The following TP73 variants were observed in gnomAD, a reference collection of about 807,000 sequenced individuals.
TP73 encodes the protein p53-like transcription factor.
TP73 carries 25 observed loss-of-function variants against 62.5 expected under a neutral mutation model. The observed-to-expected ratio is 0.40, with a 90% CI of 0.29 to 0.56. The LOEUF is 0.56. Among genes scored for constraint, TP73 ranks in the 20% least tolerant of loss-of-function variants. The probability of loss-of-function intolerance (pLI) is 0.46; values close to 1 mark genes in which losing one functional copy is unlikely to be tolerated. For synonymous variants in TP73, 423 were observed against 377.5 expected, an observed-to-expected ratio of 1.12 and a Z score of -1.40; for missense variants, 754 against 913.3, an observed-to-expected ratio of 0.83 and a Z score of 2.25.
intron 3 of TP73, among the ~76,000 whole-genome samples, chr1:3,693,686 C>CCG: frequency 6.7e-6 from 1 of 148,722 alleles, no homozygotes; most frequent in Non-Finnish European, 1.5e-5. Context: ...GCCCCTCCTC[C>CCG]CACAATCCCA....
At chr1:3,719,056 G>T (rs3819968) in intron 4 of TP73, among the ~76,000 whole-genome samples, 52,043 of 152,054 alleles carry the variant, frequency 0.34, 9,904 homozygotes, top group Non-Finnish European at 0.43. Flanking sequence ...GCCACCCACA[G>T]GGCCGGACCT....
intron 3 of TP73, among the ~76,000 whole-genome samples, chr1:3,705,529 C>T (rs547564510): frequency 2.6e-5 from 4 of 152,366 alleles, no homozygotes; most frequent in Admixed American, 6.5e-5. Context: ...GCCGAGGCCT[C>T]GTGCCAAGAC....
At chr1:3,729,742 CA>C in intron 10 of TP73, 3 of 750,684 alleles carry the variant, frequency 4.0e-6, no homozygotes, top group Non-Finnish European at 6.8e-6. Flanking sequence ...CATGACCCAC[CA>C]AGACCAGAGT....
At chr1:3,700,827 C>T (rs1639098635) in intron 3 of TP73, among the ~76,000 whole-genome samples, 1 of 151,948 alleles carries the variant, frequency 6.6e-6, no homozygotes, top group Admixed American at 6.6e-5. Context: ...TTTAAACAGT[C>T]AACAGGTGCA....
At chr1:3,680,674 A>T (rs1645498391) in intron 1 of TP73, among the ~76,000 whole-genome samples, 1 of 152,190 alleles carries the variant, frequency 6.6e-6, no homozygotes, top group Non-Finnish European at 1.5e-5. Flanking sequence ...GGTATGGGCA[A>T]GGGCGGGTTC....
rs1264471169 is a variant in TP73 at position 3,733,276 on chromosome 1, G to T, written c.*197G>T. 2 of 664,446 alleles carry T rather than the reference G, an allele frequency of 3.0e-6. No individual in the cohort carries two copies. Among genetic ancestry groups the T allele is most frequent in the Non-Finnish European group, 5.0e-6 (2 of 396,960 alleles). 41.2% of individuals were successfully genotyped at this position (664,446 alleles called of 1,614,324 possible). A position where few individuals can be genotyped will look rare whatever the true frequency, so the allele number is the denominator to read the frequency against. On this transcript the variant is annotated 3_prime_UTR_variant, in exon 14 of 14. Coordinates refer to ENST00000378295, the MANE Select transcript of TP73 (RefSeq NM_005427.4). ...CACCGAAGCCGCCTGTGGACAGCCT[G>T]AGTCACCTGCAGAACCTTCTGGAGC... is the stretch of plus-strand genomic sequence containing the variant.
At chr1:3,676,090 TAGGG>T (rs1645360074) in intron 1 of TP73, among the ~76,000 whole-genome samples, 1 of 121,096 alleles carries the variant, frequency 8.3e-6, no homozygotes. Context: ...GGACAAGAGA[TAGGG>T]AGAGGACAGA....
intron 1 of TP73, among the ~76,000 whole-genome samples, chr1:3,676,237 G>A (rs1001671564): frequency 5.3e-5 from 8 of 150,100 alleles, no homozygotes; most frequent in Middle Eastern, 3.4e-3. Flanking sequence ...AAGGGACAGG[G>A]AACAGGGAGG....
rs559663650 is a variant in TP73, at chr1:3,670,015, C to T, written c.-33-12318C>T. ...CTCCCTGAAGCCTTGGGGGAATGTC[C>T]GAGGGGCCAGGGCCTCTGGATCCTG... On this transcript the variant is annotated intron_variant, in intron 1 of 13. Coordinates refer to ENST00000378295, the MANE Select transcript of TP73 (RefSeq NM_005427.4). This position sits in a 1 kb window ranked among gnomAD's most constrained non-coding sequence, Gnocchi z 5.9. Among the ~76,000 whole-genome samples, 50 of 152,168 alleles carry T rather than the reference C, an allele frequency of 3.3e-4. No individual in the cohort carries two copies. The highest frequency in any genetic ancestry group is 1.8e-3 in the Admixed American group (28 of 15,290).
chr1:3,725,979 GTGGA>G (rs1466559938), intron 6 of TP73, among the ~76,000 whole-genome samples: 10 of 117,782 alleles, frequency 8.5e-5, no homozygotes, highest in Non-Finnish European at 5.3e-5. Context: ...GGGTGGATGG[GTGGA>G]TGGATGGATG....
intron 4 of TP73, among the ~76,000 whole-genome samples, chr1:3,711,932 C>T (rs926053300): frequency 7.9e-5 from 12 of 152,050 alleles, no homozygotes; most frequent in African/African-American, 2.2e-4. Flanking sequence ...GAAAGCCCCC[C>T]GTCCAGGAGG....
chr1:3,707,983 C>G (rs1639818224), intron 4 of TP73, 192 bp downstream of exon 4: 17 of 888,906 alleles, frequency 1.9e-5, no homozygotes, highest in Non-Finnish European at 2.7e-5. Flanking sequence ...GTGCCCACCC[C>G]TCTAGACGTG....
In TP73 at chr1:3,699,700, T is replaced by G. The variant is rs561330026; in HGVS notation, c.187-7849T>G. Among the ~76,000 whole-genome samples the G allele has an allele frequency of 5.9e-4, 90 of 151,822 alleles. No individual in the cohort carries two copies. Among genetic ancestry groups the G allele is most frequent in the Non-Finnish European group, 1.1e-3 (74 of 67,902 alleles). On this transcript the variant is annotated intron_variant, in intron 3 of 13. Transcript: ENST00000378295. This position sits in a 1 kb window ranked among gnomAD's most constrained non-coding sequence, Gnocchi z 4.1. The stretch of plus-strand genomic sequence containing the variant: ...CCTAGTTGAACAGAATGAATGAGAG[T>G]GCGGGATAAATGCCGGGCGGGGAGC...
Position 3,722,022 on chromosome 1 carries a change from A to G in TP73, c.431A>G (p.Tyr144Cys). Residue 144 changes from tyrosine (Y) to cysteine (C), a missense_variant and splice_region_variant, in exon 5 of 14, where the codon TAC becomes TGC. Around this residue, in one of 3 missense-constraint regions of TP73, gnomAD observed 235 missense variants for 251.4 expected, o/e 0.93. Coordinates refer to ENST00000378295, the MANE Select transcript of TP73 (RefSeq NM_005427.4). ...CCCGCTCCCTCTCCCCCACTCCAGT[A>G]CTCCCCGCTCTTGAAGAAACTCTAC... Reference protein sequence around the residue: ...SSTAKSATWTYSPLLKKLYCQ... With the variant: ...SSTAKSATWTCSPLLKKLYCQ... The G allele has an allele frequency of 6.2e-7, 1 of 1,605,928 alleles. No homozygotes were observed. The highest frequency in any genetic ancestry group is 8.5e-7 in the Non-Finnish European group (1 of 1,175,004).
intron 1 of TP73, among the ~76,000 whole-genome samples, chr1:3,681,629 T>G (rs1010095668): frequency 2.8e-4 from 43 of 152,194 alleles, no homozygotes; most frequent in African/African-American, 1.0e-3. Flanking sequence ...GGCCCTGGGG[T>G]GCAGGAAGGA....
intron 11 of TP73, 88 bp from the exon 12 acceptor site, chr1:3,730,839 G>C: frequency 6.9e-7 from 1 of 1,458,326 alleles, no homozygotes. Context: ...TGGCTCCCTG[G>C]TGTCCAGAGG....
rs139844625 is a variant in TP73 at position 3,728,746 on chromosome 1, G to A, written c.1074+529G>A. ...TCCCGGCATTTTGGGAGGCTGAGGC[G>A]GGTGGATCACTTGAGCCCAGGAGTT... On this transcript the variant is annotated intron_variant, in intron 9 of 13. Transcript: ENST00000378295. Among the ~76,000 whole-genome samples the A allele has an allele frequency of 3.3e-4, 51 of 152,364 alleles. 1 individual carries two copies. In the East Asian group the frequency reaches 9.3e-3, roughly 28 times the overall value.
intron 13 of TP73, among the ~76,000 whole-genome samples, chr1:3,731,861 C>G (rs1242309584): frequency 6.6e-6 from 1 of 152,180 alleles, no homozygotes; most frequent in East Asian, 1.9e-4. Flanking sequence ...GCACAAAGAA[C>G]AGAAGAATGT....
In TP73 at chr1:3,707,697, C is replaced by T. The variant is rs377337435; in HGVS notation, c.335C>T (p.Ala112Val). 5.0e-6 allele frequency: 8 copies of T among 1,613,246 alleles called. No individual in the cohort carries two copies. Among genetic ancestry groups the T allele is most frequent in the African/African-American group, 1.3e-5 (1 of 75,040 alleles). ...TCCACCTTCGACACCATGTCGCCGG[C>T]GCCTGTCATCCCCTCCAACACCGAC... ...PSSTFDTMSP[A>V]PVIPSNTDYP... is the part of the protein sequence containing the mutation. Residue 112 changes from alanine (A) to valine (V), a missense_variant, in exon 4 of 14, where the codon GCG (alanine) becomes GTG (valine). Physicochemically the swap from Ala to Val is moderately conservative, Grantham distance 64 (BLOSUM62 0). Coordinates refer to ENST00000378295, the MANE Select transcript of TP73 (RefSeq NM_005427.4).
Sources: allele counts gnomAD v4.1 joint callset (sites outside exome capture counted in the v4.1 genomes callset), GRCh38; gene constraint gnomAD v4.1.1; regional missense constraint gnomAD v4.1.1; non-coding constraint Gnocchi (gnomAD v3.1); transcripts MANE v1.5; gene names NCBI Gene and HGNC (gene_info 2026-07-23, HGNC 2026-07-21).